XKR4: variants seen among roughly 807,000 people sequenced by gnomAD.
The protein encoded by XKR4 is XK-related protein 4.
In XKR4, 12 loss-of-function variants were observed where a neutral mutation model predicts 53.9. The ratio of observed to expected loss-of-function variants is 0.22; its 90% CI spans 0.14 to 0.36. The LOEUF is 0.36. XKR4 is among the 10% of genes least tolerant of loss of function. XKR4 has a pLI of 1.00. For synonymous variants in XKR4, 354 were observed against 362.4 expected, an observed-to-expected ratio of 0.98 and a Z score of 0.26; for missense variants, 799 against 859.5, an observed-to-expected ratio of 0.93 and a Z score of 0.88.
rs1312170211 is a variant in XKR4 at position 55,541,638 on chromosome 8, G to A, written c.*17411G>A. ...TCCCCCAGTATGAGCACAGTGCCTG[G>A]ACCTGAATGATCATCTTGGCAGTTC... On this transcript the variant is annotated 3_prime_UTR_variant, in exon 3 of 3. Transcript: ENST00000327381. 1 of 152,150 alleles carries A rather than the reference G, an allele frequency of 6.6e-6. No homozygotes were observed. Among genetic ancestry groups the A allele is most frequent in the Admixed American group, 6.6e-5 (1 of 15,266 alleles). The allele number at this position is 152,150 out of a possible 1,614,324, so 9.4% of individuals were successfully genotyped here.
intron 1 of XKR4, among the ~76,000 whole-genome samples, chr8:55,341,327 G>T (rs1803542872): frequency 6.6e-6 from 1 of 152,124 alleles, no homozygotes; most frequent in South Asian, 2.1e-4. Flanking sequence ...GGGTATTGAT[G>T]CTCCCATTCC....
At chr8:55,426,828 A>G (rs1585567539) in intron 2 of XKR4, among the ~76,000 whole-genome samples, 1 of 152,226 alleles carries the variant, frequency 6.6e-6, no homozygotes, top group Admixed American at 6.5e-5. Flanking sequence ...TACATTTTGT[A>G]TTTGTCTAAA....
Position 55,180,981 on chromosome 8 carries a change from A to G in XKR4, c.806+77687A>G, listed in dbSNP as rs140500512. On this transcript the variant is annotated intron_variant, in intron 1 of 2. Coordinates refer to ENST00000327381, the MANE Select transcript of XKR4 (RefSeq NM_052898.2). ...TGAGTAGTATGAATGAATGATGCCA[A>G]TGATGGTATCAATGCAAATTGATTG... is the stretch of plus-strand genomic sequence containing the variant. Among the ~76,000 whole-genome samples, 354 of 152,360 alleles carry G rather than the reference A, an allele frequency of 2.3e-3. 1 individual carries two copies. The highest frequency in any genetic ancestry group is 7.4e-3 in the African/African-American group (309 of 41,586).
chr8:55,428,259 C>A (rs1480387009), intron 2 of XKR4, among the ~76,000 whole-genome samples: 2 of 152,164 alleles, frequency 1.3e-5, no homozygotes, highest in African/African-American at 4.8e-5. Context: ...GCCCAATGAT[C>A]AACATAGCAA....
chr8:55,141,736 A>G lies in XKR4; in HGVS notation c.806+38442A>G, dbSNP rs1276936476. Among the ~76,000 whole-genome samples the G allele has an allele frequency of 2.0e-5, 3 of 150,940 alleles. No individual in the cohort carries two copies. The East Asian group carries it at 5.8e-4, about 29-fold the overall frequency. ...CTTCTGGTCCTCTTCCTCCCAGTCC[A>G]TAAGTAATAGTCCCTAAAACAGCTT... On this transcript the variant is annotated intron_variant, in intron 1 of 2. Transcript: ENST00000327381.
intron 1 of XKR4, among the ~76,000 whole-genome samples, chr8:55,272,258 G>C (rs989261673): frequency 6.6e-6 from 1 of 152,144 alleles, no homozygotes; most frequent in African/African-American, 2.4e-5. Context: ...GAAGGCTTTT[G>C]ATCTTTATTA....
rs919187415 is a variant in XKR4 at position 55,102,707 on chromosome 8, C to T, written c.219C>T (p.Gly73=). ...GCTGCTGCTGCGCCGGGAGTGGCGG[C>T]TCCGCGGGCTCGGGCGGCTCCGGCG... ...RCCCCCAGSG[G]SAGSGGSGGV... is the part of the protein sequence containing the mutation. Residue 73 remains glycine (G), a synonymous_variant, in exon 1 of 3, where the codon GGC becomes GGT. Coordinates refer to ENST00000327381, the MANE Select transcript of XKR4 (RefSeq NM_052898.2). The surrounding 1 kb of genome is among the most constrained non-coding windows in gnomAD (Gnocchi z 5.1). 7 of 1,148,106 alleles carry T rather than the reference C, an allele frequency of 6.1e-6. No homozygotes were observed. The African/African-American group carries it at 8.3e-5, about 14-fold the overall frequency. 71.1% of individuals were successfully genotyped at this position (1,148,106 alleles called of 1,614,324 possible).
chr8:55,117,231 G>A (rs974639592), intron 1 of XKR4, among the ~76,000 whole-genome samples: 1 of 151,994 alleles, frequency 6.6e-6, no homozygotes, highest in African/African-American at 2.4e-5. Flanking sequence ...AGTGAGAAGA[G>A]GGAAATCCAA....
chr8:55,119,151 T>C (rs1201780052), intron 1 of XKR4, among the ~76,000 whole-genome samples: 1 of 152,240 alleles, frequency 6.6e-6, no homozygotes, highest in African/African-American at 2.4e-5. Flanking sequence ...ATGTGCTCTC[T>C]GACTTCAAGG....
chr8:55,502,702 T>C (rs1806463239), intron 2 of XKR4, among the ~76,000 whole-genome samples: 1 of 152,206 alleles, frequency 6.6e-6, no homozygotes, highest in African/African-American at 2.4e-5. Flanking sequence ...TATCCTTTGA[T>C]GTACAAAGAT....
chr8:55,497,665 T>C (rs1464270326), intron 2 of XKR4, among the ~76,000 whole-genome samples: 1 of 152,234 alleles, frequency 6.6e-6, no homozygotes, highest in Non-Finnish European at 1.5e-5. Flanking sequence ...AGTAAACAAA[T>C]GCAAGTGTCA....
intron 2 of XKR4, among the ~76,000 whole-genome samples, chr8:55,486,373 A>C (rs1340736076): frequency 1.3e-5 from 2 of 152,250 alleles, no homozygotes; most frequent in Admixed American, 1.3e-4. Context: ...CAAAAAGAAG[A>C]TCTCTACATT....
chr8:55,475,756 C>A (rs1487655416), intron 2 of XKR4, among the ~76,000 whole-genome samples: 1 of 151,934 alleles, frequency 6.6e-6, no homozygotes, highest in Non-Finnish European at 1.5e-5. Context: ...GCGCACACCA[C>A]CACGCCCAGC....
intron 2 of XKR4, among the ~76,000 whole-genome samples, chr8:55,361,073 C>T (rs1803896393): frequency 6.6e-6 from 1 of 152,220 alleles, no homozygotes; most frequent in Non-Finnish European, 1.5e-5. Flanking sequence ...AGGGCAGCAG[C>T]TACTCTCCAC....
chr8:55,452,212 T>G (rs1412240154), intron 2 of XKR4: 1 of 682,036 alleles, frequency 1.5e-6, no homozygotes, highest in East Asian at 2.8e-5. Context: ...AAGGCCATTT[T>G]CAGCAGCTGG....
At chr8:55,496,281 C>T (rs139221230) in intron 2 of XKR4, among the ~76,000 whole-genome samples, 270 of 152,286 alleles carry the variant, frequency 1.8e-3, no homozygotes, top group African/African-American at 6.2e-3. Flanking sequence ...GAATCATTGT[C>T]TCTTATTCAC....
At chr8:55,336,334 G>A (rs1033306027) in intron 1 of XKR4, among the ~76,000 whole-genome samples, 7 of 152,150 alleles carry the variant, frequency 4.6e-5, no homozygotes, top group East Asian at 1.9e-4. Context: ...TTTGCCTCCC[G>A]CCACAATTCT....
At chr8:55,128,998 C>G (rs1816516276) in intron 1 of XKR4, among the ~76,000 whole-genome samples, 1 of 152,174 alleles carries the variant, frequency 6.6e-6, no homozygotes, top group African/African-American at 2.4e-5. Flanking sequence ...TCTTCATCAG[C>G]ACAACCACAG....
At chr8:55,182,392 A>G (rs1817323316) in intron 1 of XKR4, among the ~76,000 whole-genome samples, 1 of 152,168 alleles carries the variant, frequency 6.6e-6, no homozygotes, top group African/African-American at 2.4e-5. Flanking sequence ...TAAAGATAAT[A>G]CAGATTTTTC....
Sources: allele counts gnomAD v4.1 joint callset (sites outside exome capture counted in the v4.1 genomes callset), GRCh38; gene constraint gnomAD v4.1.1; non-coding constraint Gnocchi (gnomAD v3.1); transcripts MANE v1.5; gene names NCBI Gene and HGNC (gene_info 2026-07-23, HGNC 2026-07-21).